TET2: variants seen among roughly 807,000 people sequenced by gnomAD.
TET2 encodes the protein methylcytosine dioxygenase TET2.
A neutral mutation model predicts 142.9 loss-of-function variants in TET2; 299 were observed. The observed-to-expected ratio is 2.09, with a 90% confidence interval of 1.90 to 2.30. The LOEUF (loss-of-function observed/expected upper bound fraction) is 2.30, where lower values mean the gene tolerates loss of function less well. Ranked by LOEUF, TET2 falls within the 30% of genes most tolerant of loss-of-function variation. The pLI is 0.00. For synonymous variants in TET2, 819 were observed against 849.0 expected (o/e 0.96, Z 0.61); for missense variants, 2,418 against 2,378.0 (o/e 1.02, Z -0.35).
At chr4:105,243,324 T>C (rs1001818263) in intron 5 of TET2, among the ~76,000 whole-genome samples, 1 of 152,226 alleles carries the variant, frequency 6.6e-6, no homozygotes, top group Non-Finnish European at 1.5e-5. Context: ...CCCACTGTAC[T>C]GGGTATAGTC....
intron 1 of TET2, among the ~76,000 whole-genome samples, chr4:105,174,134 G>A (rs1350554283): frequency 6.6e-6 from 1 of 152,038 alleles, no homozygotes; most frequent in Admixed American, 6.5e-5. Flanking sequence ...TAAAATTTTA[G>A]GGGTATCAGA....
chr4:105,250,981 C>T (rs1033975441), intron 6 of TET2, among the ~76,000 whole-genome samples: 6 of 152,118 alleles, frequency 3.9e-5, no homozygotes, highest in Non-Finnish European at 7.4e-5. Flanking sequence ...CACGCCTGGC[C>T]TGTACTTCTG....
At chr4:105,269,023 A>G (rs764701232) in intron 8 of TET2, among the ~76,000 whole-genome samples, 1 of 152,178 alleles carries the variant, frequency 6.6e-6, no homozygotes, top group South Asian at 2.1e-4. Context: ...ACCTACATAC[A>G]CACCATTATA....
At chr4:105,175,440 T>C (rs1724728436) in intron 1 of TET2, among the ~76,000 whole-genome samples, 3 of 152,120 alleles carry the variant, frequency 2.0e-5, no homozygotes, top group Admixed American at 2.0e-4. Context: ...TTAAAATGTC[T>C]TTGATAGGCT....
At chr4:105,210,224 G>A (rs1043452710) in intron 2 of TET2, among the ~76,000 whole-genome samples, 1 of 152,160 alleles carries the variant, frequency 6.6e-6, no homozygotes, top group East Asian at 1.9e-4. Context: ...AAGGTTAGAA[G>A]TATAGATCTG....
At chr4:105,193,115 C>T (rs947527928) in intron 2 of TET2, among the ~76,000 whole-genome samples, 6 of 152,064 alleles carry the variant, frequency 3.9e-5, no homozygotes, top group African/African-American at 1.4e-4. Context: ...TCCATCTGGA[C>T]TATAACAGAG....
At chr4:105,242,401 C>G (rs1427097387) in intron 4 of TET2, 14 of 1,082,656 alleles carry the variant, frequency 1.3e-5, no homozygotes, top group African/African-American at 1.6e-5. Context: ...TGCCAGCCTC[C>G]TTTTCTAAAT....
At chr4:105,155,268 C>G (rs1158135835) in intron 1 of TET2, among the ~76,000 whole-genome samples, 1 of 152,154 alleles carries the variant, frequency 6.6e-6, no homozygotes, top group Non-Finnish European at 1.5e-5. Context: ...AGGGTTTAAA[C>G]AAGTGACTCT....
At chr4:105,257,705 C>G (rs1008635795) in intron 6 of TET2, among the ~76,000 whole-genome samples, 1 of 152,110 alleles carries the variant, frequency 6.6e-6, no homozygotes, top group East Asian at 1.9e-4. Flanking sequence ...ATTTTCAAAG[C>G]CTCCTGTGGA....
At chr4:105,188,567 C>T (rs144551545) in intron 1 of TET2, among the ~76,000 whole-genome samples, 3 of 152,084 alleles carry the variant, frequency 2.0e-5, no homozygotes, top group Middle Eastern at 3.4e-3. Context: ...AAATGAATAT[C>T]CAAAGAAGCA....
chr4:105,194,564 T>C (rs921603376), intron 2 of TET2, among the ~76,000 whole-genome samples: 2 of 152,172 alleles, frequency 1.3e-5, no homozygotes, highest in African/African-American at 4.8e-5. Flanking sequence ...ACTTAGACTT[T>C]AAGACTTCAT....
chr4:105,252,172 C>T (rs1226310118), intron 6 of TET2, among the ~76,000 whole-genome samples: 1 of 152,154 alleles, frequency 6.6e-6, no homozygotes. Context: ...GTCCTCTGTA[C>T]CCTACCTATT....
intron 1 of TET2, among the ~76,000 whole-genome samples, chr4:105,152,786 A>T (rs1723374481): frequency 6.6e-6 from 1 of 151,872 alleles, no homozygotes; most frequent in East Asian, 1.9e-4. Context: ...TATTAGAGAC[A>T]GGGTTTCACC....
intron 2 of TET2, among the ~76,000 whole-genome samples, chr4:105,233,356 C>G (rs190968166): frequency 2.3e-3 from 279 of 119,138 alleles, no homozygotes; most frequent in African/African-American, 9.5e-3. Flanking sequence ...TGCACTCCAG[C>G]CTGGGCAAGA....
intron 3 of TET2, chr4:105,240,328 T>TA (rs1050254634): frequency 5.6e-6 from 6 of 1,063,820 alleles, no homozygotes; most frequent in East Asian, 5.4e-5. Context: ...CCTGTATTTT[T>TA]AAAAAAAGCT....
chr4:105,256,122 T>C (rs911191720), intron 6 of TET2, among the ~76,000 whole-genome samples: 2 of 152,158 alleles, frequency 1.3e-5, no homozygotes, highest in African/African-American at 2.4e-5. Flanking sequence ...CAGATTGATA[T>C]TGTCATTTAA....
At chr4:105,208,439 A>G (rs527946387) in intron 2 of TET2, among the ~76,000 whole-genome samples, 48 of 152,300 alleles carry the variant, frequency 3.2e-4, no homozygotes, top group Middle Eastern at 3.4e-3. Context: ...TGAAGGATCA[A>G]TATCTCAAAC....
intron 1 of TET2, among the ~76,000 whole-genome samples, chr4:105,154,602 T>C (rs1268079327): frequency 6.6e-6 from 1 of 152,188 alleles, no homozygotes; most frequent in African/African-American, 2.4e-5. Flanking sequence ...AGAGCTCATA[T>C]GGGAAGATTC....
intron 3 of TET2, 187 bp downstream of exon 3, chr4:105,237,538 C>T: frequency 3.2e-6 from 5 of 1,555,884 alleles, no homozygotes; most frequent in Non-Finnish European, 4.3e-6. Context: ...AAGAGAACTT[C>T]ACTTACATGC....
Sources: allele counts gnomAD v4.1 joint callset (sites outside exome capture counted in the v4.1 genomes callset), GRCh38; gene constraint gnomAD v4.1.1; transcripts MANE v1.5; gene names NCBI Gene and HGNC (gene_info 2026-07-23, HGNC 2026-07-21).